The following SMIM29 variants were observed in gnomAD, a reference collection of about 807,000 sequenced individuals.
SMIM29 encodes the protein small integral membrane protein 29.
In SMIM29, 4 loss-of-function variants were observed where a neutral mutation model predicts 12.9. The ratio of observed to expected loss-of-function variants is 0.31; its 90% CI spans 0.15 to 0.71. The LOEUF is 0.71. SMIM29 is among the 30% of genes least tolerant of loss of function. The pLI, the probability that SMIM29 is intolerant of heterozygous loss-of-function variation, is 0.70. For missense variants in SMIM29, 122 were observed against 138.1 expected, an observed-to-expected ratio of 0.88 and a Z score of 0.58; for synonymous variants, 50 against 52.0, an observed-to-expected ratio of 0.96 and a Z score of 0.17.
rs535277555 is a variant in SMIM29, at chr6:34,247,750, G to A, written c.42C>T (p.Ser14=). The A allele has an allele frequency of 2.0e-5, 27 of 1,359,078 alleles. No homozygotes were observed. In the African/African-American group the frequency reaches 3.4e-4, roughly 17 times the overall value. The allele number at this position is 1,359,078 out of a possible 1,614,324, so 84.2% of individuals were successfully genotyped here. The change falls in exon 2 of 5, where the codon AGC becomes AGT. Residue 14 remains serine, a synonymous_variant. Coordinates refer to ENST00000476320, the MANE Select transcript of SMIM29 (RefSeq NM_001008703.4). ...CCAACACATAGCCCACCATGGAGTC[G>A]CTGTTGGCCTGGGGGGCATTGGGCA... ...TTVPNAPQAN[S]DSMVGYVLGP...
Position 34,247,828 on chromosome 6 carries a change from G to A in SMIM29, c.-37C>T. The A allele has an allele frequency of 7.9e-7, 1 of 1,271,730 alleles. No individual in the cohort carries two copies. Among genetic ancestry groups the A allele is most frequent in the Non-Finnish European group, 9.9e-7 (1 of 1,012,530 alleles). The allele number at this position is 1,271,730 out of a possible 1,614,324, so 78.8% of individuals were successfully genotyped here. A position where few individuals can be genotyped will look rare whatever the true frequency, so the allele number is the denominator to read the frequency against. On this transcript the variant is annotated 5_prime_UTR_variant, in exon 2 of 5. Transcript: ENST00000476320. ...CCGGAGGGCTGGGTGGTCAGCATGG[G>A]CAGTGGCGCTTCGGGAGGGCGCCTC... is the stretch of plus-strand genomic sequence containing the variant.
Position 34,246,639 on chromosome 6 carries a change from T to G in SMIM29, c.*164A>C. On this transcript the variant is annotated 3_prime_UTR_variant, in exon 5 of 5. Coordinates refer to ENST00000476320, the MANE Select transcript of SMIM29 (RefSeq NM_001008703.4). ...GGCAGAAGGCCTGGGGGCAGTGAGG[T>G]GATGGTGAGGGCATGGGAAGCAGAT... 1 of 1,613,542 alleles carries G rather than the reference T, an allele frequency of 6.2e-7. No homozygotes were observed. Among genetic ancestry groups the G allele is most frequent in the South Asian group, 1.1e-5 (1 of 91,068 alleles).
rs1289196687 is a variant in SMIM29 at position 34,246,412 on chromosome 6, A to G, written c.*391T>C. On this transcript the variant is annotated 3_prime_UTR_variant, in exon 5 of 5. Transcript: ENST00000476320. ...AAAACCCCTAGCCACAAAACATTTT[A>G]TTTACAAAATATATACTGAATACTA... The G allele has an allele frequency of 2.3e-6, 3 of 1,293,138 alleles. No individual in the cohort carries two copies. In the African/African-American group the frequency reaches 4.5e-5, roughly 19 times the overall value. 80.1% of individuals were successfully genotyped at this position (1,293,138 alleles called of 1,614,324 possible).
chr6:34,246,977 G>C (rs559657962), intron 4 of SMIM29, 67 bp downstream of exon 4: 1 of 1,611,134 alleles, frequency 6.2e-7, no homozygotes, highest in Non-Finnish European at 8.5e-7. Context: ...CAGTGTGGAC[G>C]AGTATGGCTG....
intron 1 of SMIM29, 65 bp from the exon 2 acceptor site, chr6:34,247,929 C>A: frequency 5.7e-6 from 7 of 1,236,868 alleles, no homozygotes; most frequent in Non-Finnish European, 6.0e-6. Context: ...GATCCCTCCC[C>A]CAGAGCTGAA....
Position 34,247,675 on chromosome 6 carries a change from C to T in SMIM29, c.111+6G>A, listed in dbSNP as rs116598503. The T allele has an allele frequency of 3.0e-3, 4,203 of 1,411,488 alleles. 43 individuals are homozygous for T. The highest frequency in any genetic ancestry group is 0.025 in the African/African-American group (1,702 of 69,240). The allele number at this position is 1,411,488 out of a possible 1,614,324, so 87.4% of individuals were successfully genotyped here. A position where few individuals can be genotyped will look rare whatever the true frequency, so the allele number is the denominator to read the frequency against. On this transcript the variant is annotated splice_donor_region_variant and intron_variant, in intron 2 of 4. Coordinates refer to ENST00000476320, the MANE Select transcript of SMIM29 (RefSeq NM_001008703.4). ...GGGTGTCTGTGTGTATATGAGGGCT[C>T]CTTACCACAGCCACCACCACCCCGA...
At position 34,247,766 on chromosome 6, in the gene SMIM29, G is replaced by C. The variant is rs936758685; in HGVS notation, c.26C>G (p.Ala9Gly). Residue 9 changes from alanine to glycine, a missense_variant, in exon 2 of 5, where the codon GCC (alanine) becomes GGC (glycine). Coordinates refer to ENST00000476320, the MANE Select transcript of SMIM29 (RefSeq NM_001008703.4). Reference protein sequence around the residue: MSNTTVPNAPQANSDSMVG... With the variant: MSNTTVPNGPQANSDSMVG... ...CATGGAGTCGCTGTTGGCCTGGGGG[G>C]CATTGGGCACAGTGGTGTTACTCAT... The C allele has an allele frequency of 1.5e-6, 2 of 1,353,836 alleles. No homozygotes were observed. Among genetic ancestry groups the C allele is most frequent in the Admixed American group, 3.5e-5 (1 of 28,316 alleles). The allele number at this position is 1,353,836 out of a possible 1,614,324, so 83.9% of individuals were successfully genotyped here.
In SMIM29 at chr6:34,248,971, T is replaced by C. The variant is rs906275327; in HGVS notation, c.-74+8A>G. On this transcript the variant is annotated splice_region_variant and intron_variant, in intron 1 of 4. Coordinates refer to ENST00000476320, the MANE Select transcript of SMIM29 (RefSeq NM_001008703.4). The stretch of plus-strand genomic sequence containing the variant: ...CTCTGCAGCCCAGCCGGCCTGGCCA[T>C]GCCTTACCTCCCGCCGCTGCAGCCC... 6 of 985,524 alleles carry C rather than the reference T, an allele frequency of 6.1e-6. No individual in the cohort carries two copies. Among genetic ancestry groups the C allele is most frequent in the Non-Finnish European group, 2.4e-6 (2 of 830,004 alleles). The allele number at this position is 985,524 out of a possible 1,614,324, so 61.0% of individuals were successfully genotyped here.
Position 34,247,029 on chromosome 6 carries a change from C to T in SMIM29, c.243+15G>A, listed in dbSNP as rs1312128424. ...CCACCTTGCCTCATTCTCCCCCTGG[C>T]CCCCAAGTGCTCACCTTGGGGTCTC... On this transcript the variant is annotated intron_variant, in intron 4 of 4. Transcript: ENST00000476320. 6.2e-7 allele frequency: 1 copy of T among 1,613,918 alleles called. No individual in the cohort carries two copies. Among genetic ancestry groups the T allele is most frequent in the African/African-American group, 1.3e-5 (1 of 74,916 alleles).
intron 4 of SMIM29, 73 bp downstream of exon 4, chr6:34,246,971 G>A: frequency 4.3e-6 from 7 of 1,610,414 alleles, no homozygotes; most frequent in Non-Finnish European, 5.9e-6. Flanking sequence ...TGGTTTCAGT[G>A]TGGACGAGTA....
chr6:34,248,327 C>T (rs1762889391), intron 1 of SMIM29: 1 of 985,334 alleles, frequency 1.0e-6, no homozygotes, highest in Non-Finnish European at 1.2e-6. Flanking sequence ...CCATCCTGGT[C>T]CAATCCCACT....
chr6:34,246,552 C>T lies in SMIM29; in HGVS notation c.*251G>A, dbSNP rs773217005. 1 of 1,579,536 alleles carries T rather than the reference C, an allele frequency of 6.3e-7. No homozygotes were observed. The highest frequency in any genetic ancestry group is 1.1e-5 in the South Asian group (1 of 87,104). On this transcript the variant is annotated 3_prime_UTR_variant, in exon 5 of 5. Coordinates refer to ENST00000476320, the MANE Select transcript of SMIM29 (RefSeq NM_001008703.4). ...AGGTGTCTACCAGCCGCCCCCATCC[C>T]AGAAGGAAAGCCTCTTCCCATGAGT... is the stretch of plus-strand genomic sequence containing the variant.
chr6:34,247,780 G>T lies in SMIM29; in HGVS notation c.12C>A (p.Thr4=). Residue 4 remains threonine, a synonymous_variant, in exon 2 of 5, where the codon ACC becomes ACA. Coordinates refer to ENST00000476320, the MANE Select transcript of SMIM29 (RefSeq NM_001008703.4). Reference sequence around the variant, plus strand: ...TGGCCTGGGGGGCATTGGGCACAGTGGTGTTACTCATGACATCAGCAGCCG... The same window carrying T: ...TGGCCTGGGGGGCATTGGGCACAGTTGTGTTACTCATGACATCAGCAGCCG... MSN[T]TVPNAPQANS... The T allele has an allele frequency of 7.6e-7, 1 of 1,320,442 alleles. No homozygotes were observed. The highest frequency in any genetic ancestry group is 9.6e-7 in the Non-Finnish European group (1 of 1,040,342). The allele number at this position is 1,320,442 out of a possible 1,614,324, so 81.8% of individuals were successfully genotyped here.
rs1183067850 is a variant in SMIM29 at position 34,247,118 on chromosome 6, T to C, written c.169A>G (p.Met57Val). ...TCCTCAGCTGGGTCATAGCTGTACA[T>C]GGGGAGCAGGTGATGGCGCAGCCGG... ...VDRLRHHLLP[M>V]YSYDPAEELH... Residue 57 changes from methionine to valine, a missense_variant, in exon 4 of 5, where the codon ATG (methionine) becomes GTG (valine). Met to Val is a conservative substitution (Grantham distance 21, BLOSUM62 1). Transcript: ENST00000476320. 1.2e-6 allele frequency: 2 copies of C among 1,614,024 alleles called. No individual in the cohort carries two copies. The highest frequency in any genetic ancestry group is 1.7e-5 in the Admixed American group (1 of 60,024).
chr6:34,247,363 G>C (rs1028407766), intron 3 of SMIM29, 104 bp downstream of exon 3: 1 of 1,327,238 alleles, frequency 7.5e-7, no homozygotes, highest in Admixed American at 2.2e-5. Context: ...TTTCAGGCTT[G>C]TATCAGGATG....
chr6:34,248,607 G>C (rs1461300516), intron 1 of SMIM29: 2 of 985,476 alleles, frequency 2.0e-6, no homozygotes, highest in African/African-American at 1.7e-5. Context: ...TCCTGGGGCA[G>C]TTTGCACGCT....
chr6:34,248,002 G>A, intron 1 of SMIM29, 138 bp from the exon 2 acceptor site: 3 of 1,225,988 alleles, frequency 2.4e-6, no homozygotes, highest in Non-Finnish European at 3.0e-6. Context: ...TAGATGTACT[G>A]GGTGTGACCC....
In SMIM29 at chr6:34,247,766, G is replaced by A. The variant is rs936758685; in HGVS notation, c.26C>T (p.Ala9Val). 3 of 1,353,718 alleles carry A rather than the reference G, an allele frequency of 2.2e-6. No homozygotes were observed. Among genetic ancestry groups the A allele is most frequent in the Admixed American group, 3.5e-5 (1 of 28,296 alleles). The allele number at this position is 1,353,718 out of a possible 1,614,324, so 83.9% of individuals were successfully genotyped here. A position where few individuals can be genotyped will look rare whatever the true frequency, so the allele number is the denominator to read the frequency against. The change falls in exon 2 of 5, where the codon GCC becomes GTC. Residue 9 changes from alanine to valine, a missense_variant. By Grantham distance (64) the Ala-to-Val change is moderately conservative. Transcript: ENST00000476320. ...CATGGAGTCGCTGTTGGCCTGGGGG[G>A]CATTGGGCACAGTGGTGTTACTCAT... MSNTTVPN[A>V]PQANSDSMVG...
Position 34,246,507 on chromosome 6 carries a change from A to G in SMIM29, c.*296T>C. The G allele has an allele frequency of 6.5e-7, 1 of 1,535,012 alleles. No homozygotes were observed. Among genetic ancestry groups the G allele is most frequent in the East Asian group, 2.3e-5 (1 of 44,166 alleles). On this transcript the variant is annotated 3_prime_UTR_variant, in exon 5 of 5. Transcript: ENST00000476320. ...GGGGATTTGTGCCCAAGCCCAGCCCAGGAGGGCTAGAGAAAGCAAAGGTGT... is the reference window on the plus strand; with the variant it reads ...GGGGATTTGTGCCCAAGCCCAGCCCGGGAGGGCTAGAGAAAGCAAAGGTGT...
Sources: gnomAD v4.1 joint callset for allele counts on GRCh38, gnomAD v4.1.1 for gene constraint, MANE v1.5 for transcripts, NCBI Gene and HGNC (gene_info 2026-07-23, HGNC 2026-07-21) for gene names.